Variants in RPTN observed in about 807,000 individuals in gnomAD.
RPTN encodes the protein repetin.
A neutral mutation model predicts 3.6 loss-of-function variants in RPTN; 4 were observed. That is an observed-to-expected ratio of 1.12 (90% CI 0.55 to 2.55). The LOEUF is 2.55. Ranked by LOEUF, RPTN falls within the 30% of genes most tolerant of loss-of-function variation. The probability of loss-of-function intolerance (pLI) is 0.02; values close to 1 mark genes in which losing one functional copy is unlikely to be tolerated. For missense variants in RPTN, 860 were observed against 916.7 expected (o/e 0.94, Z 0.80); for synonymous variants, 293 against 319.3 (o/e 0.92, Z 0.88).
rs200259694 is a variant in RPTN, at chr1:152,155,663, T to G, written c.1436A>C (p.Asp479Ala). ...ATAGTGGGAACTCTGGCCTTGTTTG[T>G]CTGGCTGACTGTAGTGGGAACTCTG... ...QGQSSHYSQP[D>A]KQGQSSHYGK... The change falls in exon 3 of 3, where the codon GAC (aspartate) becomes GCC (alanine). Residue 479 changes from aspartate to alanine, a missense_variant. Asp to Ala is a moderately radical substitution (Grantham distance 126, BLOSUM62 -2). Transcript: ENST00000316073. 2.9e-4 allele frequency: 471 copies of G among 1,603,360 alleles called. No individual in the cohort carries two copies. The highest frequency in any genetic ancestry group is 3.8e-4 in the Non-Finnish European group (445 of 1,172,340).
Position 152,155,020 on chromosome 1 carries a change from G to T in RPTN, c.2079C>A (p.Thr693=). Residue 693 remains threonine (T), a synonymous_variant, in exon 3 of 3, where the codon ACC becomes ACA. Coordinates refer to ENST00000316073, the MANE Select transcript of RPTN (RefSeq NM_001122965.1). ...SSEQGHRQAQ[T]RQSHGEGLSH... ...TCAGCCCCTCACCATGACTCTGCCT[G>T]GTCTGGGCCTGTCTGTGGCCCTGCT... The T allele has an allele frequency of 6.2e-7, 1 of 1,614,132 alleles. No individual in the cohort carries two copies. Among genetic ancestry groups the T allele is most frequent in the Non-Finnish European group, 8.5e-7 (1 of 1,180,032 alleles).
At position 152,157,848 on chromosome 1, in the gene RPTN, T is replaced by C. The variant is rs765168446; in HGVS notation, c.42A>G (p.Val14=). Residue 14 remains valine (V), a synonymous_variant, in exon 2 of 3, where the codon GTA becomes GTG. Coordinates refer to ENST00000316073, the MANE Select transcript of RPTN (RefSeq NM_001122965.1). ...LLNSILSVID[V]FHKYAKGNGD... ...CATTCCCTTTGGCATATTTGTGGAA[T>C]ACGTCAATCACACTGAGTATGCTAT... 5 of 1,613,982 alleles carry C rather than the reference T, an allele frequency of 3.1e-6. No individual in the cohort carries two copies. The highest frequency in any genetic ancestry group is 3.4e-6 in the Non-Finnish European group (4 of 1,179,902).
chr1:152,153,950 A>G lies in RPTN; in HGVS notation c.*794T>C, dbSNP rs1269875927. ...TTCTAGTCTAGACTATGAGGCTTGA[A>G]ATTCCTGATGTTTTATCCACAGGAG... On this transcript the variant is annotated 3_prime_UTR_variant, in exon 3 of 3. Coordinates refer to ENST00000316073, the MANE Select transcript of RPTN (RefSeq NM_001122965.1). The G allele has an allele frequency of 6.6e-6, 1 of 152,426 alleles. No homozygotes were observed. The highest frequency in any genetic ancestry group is 1.5e-5 in the Non-Finnish European group (1 of 68,062). 9.4% of individuals were successfully genotyped at this position (152,426 alleles called of 1,614,324 possible). A position where few individuals can be genotyped will look rare whatever the true frequency, so the allele number is the denominator to read the frequency against.
chr1:152,154,464 G>A lies in RPTN; in HGVS notation c.*280C>T. 1 of 535,688 alleles carries A rather than the reference G, an allele frequency of 1.9e-6. No individual in the cohort carries two copies. The highest frequency in any genetic ancestry group is 3.3e-6 in the Non-Finnish European group (1 of 303,262). The allele number at this position is 535,688 out of a possible 1,614,324, so 33.2% of individuals were successfully genotyped here. On this transcript the variant is annotated 3_prime_UTR_variant, in exon 3 of 3. Coordinates refer to ENST00000316073, the MANE Select transcript of RPTN (RefSeq NM_001122965.1). The stretch of plus-strand genomic sequence containing the variant: ...TGCTCTTGCACATAGTCATAGGGGG[G>A]GTTGGGAACAGTAGCTCCCTTGGCA...
rs1213483150 is a variant in RPTN, at chr1:152,155,612, C to A, written c.1487G>T (p.Ser496Ile). ...TCCGTCTGGCTGACCATAATGATAA[C>A]TCTGGTCTTGTCTGTCTATCTTACC... The part of the protein sequence containing the change: ...HYGKIDRQDQ[S>I]YHYGQPDGQG... Residue 496 changes from serine to isoleucine, a missense_variant, in exon 3 of 3, where the codon AGT (serine) becomes ATT (isoleucine). Coordinates refer to ENST00000316073, the MANE Select transcript of RPTN (RefSeq NM_001122965.1). 6.3e-7 allele frequency: 1 copy of A among 1,596,394 alleles called. No individual in the cohort carries two copies. Among genetic ancestry groups the A allele is most frequent in the African/African-American group, 1.3e-5 (1 of 74,148 alleles).
chr1:152,156,821 G>A lies in RPTN; in HGVS notation c.278C>T (p.Ser93Leu). The part of the protein sequence containing the change: ...QACYHKLDNK[S>L]HGGRTSQQER... ...TTGCTGTGAGGTCCTGCCTCCATGT[G>A]ACTTATTGTCTAGCTTATGATAGCA... Residue 93 changes from serine (S) to leucine (L), a missense_variant, in exon 3 of 3, where the codon TCA (serine) becomes TTA (leucine). Coordinates refer to ENST00000316073, the MANE Select transcript of RPTN (RefSeq NM_001122965.1). 6.2e-7 allele frequency: 1 copy of A among 1,614,154 alleles called. No homozygotes were observed. The highest frequency in any genetic ancestry group is 8.5e-7 in the Non-Finnish European group (1 of 1,180,018).
chr1:152,157,737 G>A lies in RPTN; in HGVS notation c.138+15C>T, dbSNP rs1659236581. The A allele has an allele frequency of 6.2e-7, 1 of 1,613,508 alleles. No individual in the cohort carries two copies. Among genetic ancestry groups the A allele is most frequent in the African/African-American group, 1.3e-5 (1 of 74,862 alleles). On this transcript the variant is annotated intron_variant, in intron 2 of 2. Transcript: ENST00000316073. ...CACACTTGATCTCATGGGGCTGTGTGTCTGTGTATCTTACCTGGAGGATGT... is the reference window on the plus strand; with the variant it reads ...CACACTTGATCTCATGGGGCTGTGTATCTGTGTATCTTACCTGGAGGATGT...
chr1:152,156,046 CT>C lies in RPTN; in HGVS notation c.1052del (p.Gln351ArgfsTer140). ...TGTTTGTCTGATCATAATGATAACA[CT>C]GGCCTTTTCTGTCCATTTGACCATA... ...SHYGQMDRKG[Q>X]CYHYDQTNRQ... On this transcript the variant is annotated frameshift_variant, in exon 3 of 3. Transcript: ENST00000316073. LOFTEE classifies it low-confidence loss of function (END_TRUNC). 5.0e-6 allele frequency: 8 copies of C among 1,613,536 alleles called. No individual in the cohort carries two copies. Among genetic ancestry groups the C allele is most frequent in the Non-Finnish European group, 6.8e-6 (8 of 1,180,020 alleles).
In RPTN at chr1:152,155,564, C is replaced by T. The variant is rs1572172825; in HGVS notation, c.1535G>A (p.Gly512Asp). ...ACTCTGGCCTTGTCTGTCTGTCTGA[C>T]CATAGTGGGAACTTTGGCCTTGTCC... ...PDGQGQSSHYGQTDRQGQSFH... is the reference protein window; with the variant it reads ...PDGQGQSSHYDQTDRQGQSFH... Residue 512 changes from glycine (G) to aspartate (D), a missense_variant, in exon 3 of 3, where the codon GGT (glycine) becomes GAT (aspartate). Gly to Asp is a moderately conservative substitution (Grantham distance 94). Transcript: ENST00000316073. 6.2e-7 allele frequency: 1 copy of T among 1,603,874 alleles called. No homozygotes were observed. The highest frequency in any genetic ancestry group is 8.5e-7 in the Non-Finnish European group (1 of 1,172,922).
rs763851363 is a variant in RPTN at position 152,156,352 on chromosome 1, T to C, written c.747A>G (p.Gln249=). 2.5e-6 allele frequency: 4 copies of C among 1,614,118 alleles called. No individual in the cohort carries two copies. The highest frequency in any genetic ancestry group is 2.2e-5 in the East Asian group (1 of 44,900). Residue 249 remains glutamine, a synonymous_variant, in exon 3 of 3, where the codon CAA becomes CAG. Coordinates refer to ENST00000316073, the MANE Select transcript of RPTN (RefSeq NM_001122965.1). ...HYGQSERHTQ[Q]SETLGQASHF... ...GAGAGGCTTGTCCAAGTGTTTCAGA[T>C]TGTTGTGTATGTCTTTCAGACTGAC...
Position 152,156,778 on chromosome 1 carries a change from T to C in RPTN, c.321A>G (p.Gly107=). The C allele has an allele frequency of 2.5e-6, 4 of 1,614,224 alleles. No homozygotes were observed. The highest frequency in any genetic ancestry group is 3.4e-6 in the Non-Finnish European group (4 of 1,180,040). Residue 107 remains glycine, a synonymous_variant, in exon 3 of 3, where the codon GGA becomes GGG. Coordinates refer to ENST00000316073, the MANE Select transcript of RPTN (RefSeq NM_001122965.1). The part of the protein sequence containing the change: ...RTSQQERGQE[G]AQDCKFPGNT... The stretch of plus-strand genomic sequence containing the variant: ...TTCCTGGGAACTTACAGTCTTGTGC[T>C]CCTTCCTGCCCCCTTTCTTGCTGTG...
chr1:152,157,047 G>A (rs894395798), intron 2 of RPTN, 87 bp from the exon 3 acceptor site: 13 of 1,134,930 alleles, frequency 1.1e-5, no homozygotes, highest in East Asian at 2.4e-5. Context: ...CAATCCATTC[G>A]GTGCTGCACG....
Position 152,156,587 on chromosome 1 carries a change from C to A in RPTN, c.512G>T (p.Ser171Ile). ...ATCTCTGTCTTGTCTCTCAGGCTGACTGTGGTGGGAATCTCTGTCTTGTTT... is the reference window on the plus strand; with the variant it reads ...ATCTCTGTCTTGTCTCTCAGGCTGAATGTGGTGGGAATCTCTGTCTTGTTT... The part of the protein sequence containing the change: ...SEKQDRDSHH[S>I]QPERQDRDSH... The change falls in exon 3 of 3, where the codon AGT (serine) becomes ATT (isoleucine). Residue 171 changes from serine (S) to isoleucine (I), a missense_variant. Ser to Ile is a moderately radical substitution (Grantham distance 142). Transcript: ENST00000316073. 1.3e-6 allele frequency: 2 copies of A among 1,504,506 alleles called. No individual in the cohort carries two copies. The highest frequency in any genetic ancestry group is 1.8e-6 in the Non-Finnish European group (2 of 1,130,604). 93.2% of individuals were successfully genotyped at this position (1,504,506 alleles called of 1,614,324 possible).
chr1:152,156,445 C>T lies in RPTN; in HGVS notation c.654G>A (p.Gln218=). Residue 218 remains glutamine, a synonymous_variant, in exon 3 of 3, where the codon CAG becomes CAA. Coordinates refer to ENST00000316073, the MANE Select transcript of RPTN (RefSeq NM_001122965.1). ...KKVSHKSTSG[Q]AKWQGHIFAL... is the part of the protein sequence containing the mutation. ...CAAAGATATGTCCCTGCCATTTAGC[C>T]TGGCCACTGGTAGATTTGTGACTCA... 2 of 1,614,250 alleles carry T rather than the reference C, an allele frequency of 1.2e-6. No individual in the cohort carries two copies. The highest frequency in any genetic ancestry group is 2.2e-5 in the East Asian group (1 of 44,890).
rs200576288 is a variant in RPTN, at chr1:152,156,214, G to A, written c.885C>T (p.Tyr295=). 5.5e-5 allele frequency: 89 copies of A among 1,612,112 alleles called. No homozygotes were observed. Among genetic ancestry groups the A allele is most frequent in the East Asian group, 1.6e-4 (7 of 44,708 alleles). ...TCTGGTCTTGTCTGTCCGTCTGACCGTAGTGGGAACTCTGGCCTTGTCTGT... is the reference window on the plus strand; with the variant it reads ...TCTGGTCTTGTCTGTCCGTCTGACCATAGTGGGAACTCTGGCCTTGTCTGT... ...QTDRQGQSSH[Y]GQTDRQDQSY... The change falls in exon 3 of 3, where the codon TAC becomes TAT. Residue 295 remains tyrosine (Y), a synonymous_variant. Coordinates refer to ENST00000316073, the MANE Select transcript of RPTN (RefSeq NM_001122965.1).
Position 152,154,422 on chromosome 1 carries a change from A to G in RPTN, c.*322T>C, listed in dbSNP as rs906486377. 2.4e-5 allele frequency: 10 copies of G among 419,818 alleles called. No individual in the cohort carries two copies. Among genetic ancestry groups the G allele is most frequent in the Non-Finnish European group, 4.2e-5 (10 of 235,672 alleles). 26.0% of individuals were successfully genotyped at this position (419,818 alleles called of 1,614,324 possible). A position where few individuals can be genotyped will look rare whatever the true frequency, so the allele number is the denominator to read the frequency against. On this transcript the variant is annotated 3_prime_UTR_variant, in exon 3 of 3. Transcript: ENST00000316073. ...TTTACCTCTGGTGCTCACATAGCCT[A>G]GTATGGGTAGGATTTCTGCTCTTGC...
Position 152,157,745 on chromosome 1 carries a change from A to G in RPTN, c.138+7T>C, listed in dbSNP as rs372717666. On this transcript the variant is annotated splice_region_variant and intron_variant, in intron 2 of 2. Transcript: ENST00000316073. ...ATCTCATGGGGCTGTGTGTCTGTGT[A>G]TCTTACCTGGAGGATGTCTCCAAAC... The G allele has an allele frequency of 1.2e-6, 2 of 1,613,750 alleles. No individual in the cohort carries two copies. Among genetic ancestry groups the G allele is most frequent in the Non-Finnish European group, 1.7e-6 (2 of 1,179,818 alleles).
intron 1 of RPTN, among the ~76,000 whole-genome samples, chr1:152,158,262 A>G (rs774500972): frequency 1.3e-5 from 2 of 152,236 alleles, no homozygotes; most frequent in South Asian, 2.1e-4. Context: ...CAATAGAGGC[A>G]GGAATAGAAG....
chr1:152,156,776 G>A lies in RPTN; in HGVS notation c.323C>T (p.Ala108Val), dbSNP rs1659215106. 6.2e-7 allele frequency: 1 copy of A among 1,614,166 alleles called. No individual in the cohort carries two copies. The highest frequency in any genetic ancestry group is 1.1e-5 in the South Asian group (1 of 91,080). The change falls in exon 3 of 3, where the codon GCA becomes GTA. Residue 108 changes from alanine to valine, a missense_variant. Transcript: ENST00000316073. ...TSQQERGQEG[A>V]QDCKFPGNTG... ...GTTTCCTGGGAACTTACAGTCTTGT[G>A]CTCCTTCCTGCCCCCTTTCTTGCTG... is the stretch of plus-strand genomic sequence containing the variant.
Sources: allele counts gnomAD v4.1 joint callset (sites outside exome capture counted in the v4.1 genomes callset), GRCh38; gene constraint gnomAD v4.1.1; transcripts MANE v1.5; gene names NCBI Gene and HGNC (gene_info 2026-07-23, HGNC 2026-07-21).